GALNTL6: variants seen among roughly 807,000 people sequenced by gnomAD.
GALNTL6 encodes polypeptide N-acetylgalactosaminyltransferase like 6, also known as polypeptide N-acetylgalactosaminyltransferase-like 6.
A neutral mutation model predicts 73.7 loss-of-function variants in GALNTL6; 46 were observed. That is an observed-to-expected ratio of 0.62 (90% CI 0.49 to 0.80). GALNTL6 has a LOEUF of 0.80. Among genes scored for constraint, GALNTL6 ranks in the 30% least tolerant of loss-of-function variants. GALNTL6 has a pLI of 0.00. For synonymous variants in GALNTL6, 259 were observed against 263.7 expected (o/e 0.98, Z 0.17); for missense variants, 604 against 755.0 (o/e 0.80, Z 2.34).
intron 4 of GALNTL6, among the ~76,000 whole-genome samples, chr4:172,338,447 C>T (rs1398710977): frequency 1.3e-5 from 2 of 151,888 alleles, no homozygotes; most frequent in Non-Finnish European, 2.9e-5. Flanking sequence ...CTCTCTTTCC[C>T]TATAATGTTG....
At chr4:171,888,525 C>G (rs976843933) in intron 2 of GALNTL6, among the ~76,000 whole-genome samples, 1 of 151,902 alleles carries the variant, frequency 6.6e-6, no homozygotes, top group Non-Finnish European at 1.5e-5. Flanking sequence ...GCTTGTCAAA[C>G]AGAAACTAGG....
rs766426105 is a variant in GALNTL6, at chr4:172,849,658, AT to A, written c.924-33129del. 2.0e-4 allele frequency among the ~76,000 whole-genome samples: 30 copies of A among 152,292 alleles called. No individual in the cohort carries two copies. In the East Asian group the frequency reaches 3.5e-3, roughly 18 times the overall value. Reference sequence around the variant, plus strand: ...TATAGTTTACAATATGATAATATTTATTTCCCCCAAATAAGACACTTTCTAT... The same window carrying A: ...TATAGTTTACAATATGATAATATTTATTCCCCCAAATAAGACACTTTCTAT... On this transcript the variant is annotated intron_variant, in intron 7 of 12. Transcript: ENST00000506823.
intron 9 of GALNTL6, among the ~76,000 whole-genome samples, chr4:172,935,491 G>C (rs1373433487): frequency 6.6e-6 from 1 of 151,942 alleles, no homozygotes; most frequent in Non-Finnish European, 1.5e-5. Flanking sequence ...ATGAATCCAG[G>C]AGCTGGTTTT....
rs188333531 is a variant in GALNTL6, at chr4:172,521,188, C to T, written c.553+172499C>T. ...TAAATAGGTTGCACATTCCATTAGT[C>T]ATTCACTATTTAAAATGAGAATACT... On this transcript the variant is annotated intron_variant, in intron 5 of 12. Coordinates refer to ENST00000506823, the MANE Select transcript of GALNTL6 (RefSeq NM_001034845.3). Among the ~76,000 whole-genome samples the T allele has an allele frequency of 1.8e-3, 274 of 152,184 alleles. 2 individuals carry two copies. The highest frequency in any genetic ancestry group is 6.5e-3 in the African/African-American group (268 of 41,540).
chr4:171,883,514 GTCT>G (rs935979042), intron 2 of GALNTL6, among the ~76,000 whole-genome samples: 11 of 152,020 alleles, frequency 7.2e-5, no homozygotes, highest in African/African-American at 1.9e-4. Flanking sequence ...TTGAAGTTAA[GTCT>G]TCTTCTTCCA....
intron 5 of GALNTL6, among the ~76,000 whole-genome samples, chr4:172,554,793 G>A (rs62329996): frequency 2.8e-4 from 42 of 152,144 alleles, no homozygotes; most frequent in Admixed American, 9.2e-4. Context: ...TGGACATTGC[G>A]CAATTTGTCC....
At chr4:172,051,301 A>G (rs1730855578) in intron 2 of GALNTL6, among the ~76,000 whole-genome samples, 1 of 152,292 alleles carries the variant, frequency 6.6e-6, no homozygotes, top group East Asian at 1.9e-4. Flanking sequence ...CGTGTATTAC[A>G]GTGCGTTCTT....
chr4:172,560,338 G>GA (rs34246878), intron 5 of GALNTL6, among the ~76,000 whole-genome samples: 1 of 150,452 alleles, frequency 6.6e-6, no homozygotes, highest in South Asian at 2.1e-4. Context: ...AAAAAAAAAA[G>GA]AAAAAAAAAA....
intron 5 of GALNTL6, among the ~76,000 whole-genome samples, chr4:172,781,243 T>C (rs1057112357): frequency 1.3e-5 from 2 of 152,148 alleles, no homozygotes; most frequent in South Asian, 2.1e-4. Context: ...AATCATTAAA[T>C]GAAATGGTAA....
chr4:173,006,412 AAGG>A (rs1234126698), intron 10 of GALNTL6, among the ~76,000 whole-genome samples: 5 of 152,212 alleles, frequency 3.3e-5, no homozygotes, highest in African/African-American at 1.2e-4. Context: ...GCACTCAGAT[AAGG>A]AGATCAAATA....
intron 7 of GALNTL6, among the ~76,000 whole-genome samples, chr4:172,859,355 T>C (rs535954569): frequency 6.6e-6 from 1 of 152,282 alleles, no homozygotes; most frequent in East Asian, 1.9e-4. Context: ...AGATTCAAGA[T>C]TGCAGGAGAT....
At chr4:172,369,611 C>T (rs1742708972) in intron 5 of GALNTL6, among the ~76,000 whole-genome samples, 1 of 152,190 alleles carries the variant, frequency 6.6e-6, no homozygotes, top group South Asian at 2.1e-4. Context: ...CCGAGCCCTG[C>T]CCCATGGGAA....
chr4:171,908,017 C>A (rs867123068), intron 2 of GALNTL6, among the ~76,000 whole-genome samples: 3 of 151,732 alleles, frequency 2.0e-5, no homozygotes, highest in Non-Finnish European at 2.9e-5. Context: ...AAGACTTAAA[C>A]GTTAGACCTA....
At chr4:172,398,724 C>A (rs1579035174) in intron 5 of GALNTL6, among the ~76,000 whole-genome samples, 1 of 152,194 alleles carries the variant, frequency 6.6e-6, no homozygotes, top group East Asian at 1.9e-4. Context: ...CAAATATATT[C>A]AATTCCTAAA....
chr4:172,568,757 CAAAAA>C (rs71592082), intron 5 of GALNTL6, among the ~76,000 whole-genome samples: 2 of 67,078 alleles, frequency 3.0e-5, no homozygotes, highest in South Asian at 7.4e-4. Context: ...GACTCCATCT[CAAAAA>C]AAAAAAAAAA....
At chr4:171,865,167 C>T (rs1240103716) in intron 2 of GALNTL6, among the ~76,000 whole-genome samples, 19 of 151,612 alleles carry the variant, frequency 1.3e-4, no homozygotes, top group Non-Finnish European at 2.2e-4. Context: ...AAGATTTAAT[C>T]TTGGAAACCT....
At chr4:172,162,671 T>G (rs536638788) in intron 2 of GALNTL6, among the ~76,000 whole-genome samples, 29 of 152,026 alleles carry the variant, frequency 1.9e-4, no homozygotes, top group Non-Finnish European at 3.5e-4. Context: ...TGGCTATAGA[T>G]AATTTTGCAT....
At chr4:171,846,711 G>T (rs1350956310) in intron 2 of GALNTL6, among the ~76,000 whole-genome samples, 3 of 148,718 alleles carry the variant, frequency 2.0e-5, no homozygotes, top group Admixed American at 6.8e-5. Flanking sequence ...GACATATATA[G>T]ATTTTTATAT....
At chr4:172,318,413 C>A (rs981858306) in intron 4 of GALNTL6, among the ~76,000 whole-genome samples, 5 of 152,202 alleles carry the variant, frequency 3.3e-5, no homozygotes, top group Admixed American at 3.3e-4. Context: ...CTTTGAAAGG[C>A]TGAATGAGGC....
Sources: allele counts gnomAD v4.1 joint callset (sites outside exome capture counted in the v4.1 genomes callset), GRCh38; gene constraint gnomAD v4.1.1; transcripts MANE v1.5; gene names NCBI Gene and HGNC (gene_info 2026-07-23, HGNC 2026-07-21).